TDRD3: variants seen among roughly 807,000 people sequenced by gnomAD.
The protein encoded by TDRD3 is tudor domain-containing protein 3.
In TDRD3, 45 loss-of-function variants were observed where a neutral mutation model predicts 86.7. The observed-to-expected ratio is 0.52, with a 90% CI of 0.41 to 0.67. The LOEUF is 0.67. Among genes scored for constraint, TDRD3 ranks in the 30% least tolerant of loss-of-function variants. TDRD3 has a pLI of 0.00. For synonymous variants in TDRD3, 298 were observed against 301.7 expected, an observed-to-expected ratio of 0.99 and a Z score of 0.13; for missense variants, 814 against 889.0, an observed-to-expected ratio of 0.92 and a Z score of 1.07.
At chr13:60,472,041 C>T (rs1009576218) in intron 5 of TDRD3, among the ~76,000 whole-genome samples, 2 of 151,904 alleles carry the variant, frequency 1.3e-5, no homozygotes, top group Admixed American at 1.3e-4. Context: ...TGAGTAGTTC[C>T]TTTCTATTTT....
intron 12 of TDRD3, among the ~76,000 whole-genome samples, chr13:60,550,259 T>C (rs576591536): frequency 1.3e-5 from 2 of 152,266 alleles, no homozygotes; most frequent in Non-Finnish European, 2.9e-5. Context: ...AGTGATAAAT[T>C]CTTTGGTAAA....
chr13:60,566,270 T>C (rs187834401), intron 12 of TDRD3, among the ~76,000 whole-genome samples: 1 of 152,212 alleles, frequency 6.6e-6, no homozygotes, highest in East Asian at 1.9e-4. Flanking sequence ...GTTCTTTTTT[T>C]TTTTTTAAGA....
intron 10 of TDRD3, among the ~76,000 whole-genome samples, chr13:60,520,332 T>C (rs962752350): frequency 5.3e-5 from 8 of 152,206 alleles, no homozygotes; most frequent in South Asian, 2.1e-4. Context: ...CTTTATGATA[T>C]TGGAATATAC....
chr13:60,459,301 A>G (rs912182802), intron 3 of TDRD3, among the ~76,000 whole-genome samples: 3 of 152,340 alleles, frequency 2.0e-5, no homozygotes, highest in African/African-American at 7.2e-5. Context: ...CCCCTAAGGT[A>G]TGATACTACT....
chr13:60,480,242 T>C (rs1956280702), intron 5 of TDRD3, among the ~76,000 whole-genome samples: 1 of 152,218 alleles, frequency 6.6e-6, no homozygotes, highest in Non-Finnish European at 1.5e-5. Context: ...CATTTTTCCT[T>C]TGCTTATGAA....
intron 1 of TDRD3, among the ~76,000 whole-genome samples, chr13:60,427,253 T>C (rs778292729): frequency 6.6e-6 from 1 of 152,218 alleles, no homozygotes; most frequent in Admixed American, 6.5e-5. Context: ...TGATTGATTT[T>C]GTTTTTTCTT....
At chr13:60,478,993 G>A (rs1223399253) in intron 5 of TDRD3, among the ~76,000 whole-genome samples, 1 of 151,464 alleles carries the variant, frequency 6.6e-6, no homozygotes, top group African/African-American at 2.4e-5. Context: ...ATTTTTAGTA[G>A]ACAGGGTGTC....
intron 12 of TDRD3, among the ~76,000 whole-genome samples, chr13:60,566,269 T>G (rs553409654): frequency 7.2e-5 from 11 of 152,214 alleles, no homozygotes; most frequent in African/African-American, 2.6e-4. Context: ...AGTTCTTTTT[T>G]TTTTTTTAAG....
At chr13:60,551,275 A>G (rs1367229638) in intron 12 of TDRD3, among the ~76,000 whole-genome samples, 1 of 152,212 alleles carries the variant, frequency 6.6e-6, no homozygotes, top group African/African-American at 2.4e-5. Flanking sequence ...TTCTATGGAA[A>G]ATACCTATAA....
Position 60,485,844 on chromosome 13 carries a change from A to C in TDRD3, c.613A>C (p.Arg205=), listed in dbSNP as rs1212756649. The change falls in exon 7 of 14, where the codon AGA becomes CGA. Residue 205 remains arginine, a synonymous_variant. Transcript: ENST00000377881. The part of the protein sequence containing the change: ...VQVDSRELDR[R]KTLQVTMPVK... ...AGTGGATAGCAGAGAACTTGATCGA[A>C]GAAAAACATTGCAAGTTACAATGCC... 6.2e-7 allele frequency: 1 copy of C among 1,609,774 alleles called. No individual in the cohort carries two copies. Among genetic ancestry groups the C allele is most frequent in the Non-Finnish European group, 8.5e-7 (1 of 1,178,268 alleles).
chr13:60,522,282 TA>T (rs1236388024), intron 10 of TDRD3, among the ~76,000 whole-genome samples: 1 of 151,988 alleles, frequency 6.6e-6, no homozygotes. Context: ...AAGAATCAAA[TA>T]AAAACAAATA....
intron 1 of TDRD3, among the ~76,000 whole-genome samples, chr13:60,417,088 C>G (rs750996243): frequency 6.7e-6 from 1 of 150,318 alleles, no homozygotes; most frequent in Non-Finnish European, 1.5e-5. Flanking sequence ...ATAATCATAG[C>G]TCACTGCAGC....
At chr13:60,488,654 AC>A (rs1840237638) in intron 7 of TDRD3, among the ~76,000 whole-genome samples, 1 of 151,902 alleles carries the variant, frequency 6.6e-6, no homozygotes, top group South Asian at 2.1e-4. Flanking sequence ...GCTCACTGTA[AC>A]CTCTGCCTCC....
At chr13:60,491,487 A>G (rs561209925) in intron 7 of TDRD3, among the ~76,000 whole-genome samples, 1 of 152,358 alleles carries the variant, frequency 6.6e-6, no homozygotes, top group Admixed American at 6.5e-5. Flanking sequence ...CTTAGAGCCT[A>G]GATGGCAGAA....
chr13:60,402,046 T>C (rs532622669), intron 1 of TDRD3, among the ~76,000 whole-genome samples: 17 of 152,386 alleles, frequency 1.1e-4, no homozygotes, highest in Non-Finnish European at 2.2e-4. Flanking sequence ...ACTACAAAGA[T>C]GTGGAACAAC....
At chr13:60,458,794 G>A (rs533656836) in intron 3 of TDRD3, among the ~76,000 whole-genome samples, 1 of 152,190 alleles carries the variant, frequency 6.6e-6, no homozygotes, top group Non-Finnish European at 1.5e-5. Context: ...ACATGTGGCT[G>A]GAGGATTGTA....
intron 5 of TDRD3, among the ~76,000 whole-genome samples, chr13:60,469,419 A>AACACACACACACACAT (rs1956026042): frequency 6.7e-6 from 1 of 149,462 alleles, no homozygotes. Flanking sequence ...CCTTCTCACC[A>AACACACACACACACAT]ACACACACAC....
intron 8 of TDRD3, among the ~76,000 whole-genome samples, chr13:60,496,288 C>CATATAT (rs56211733): frequency 7.7e-4 from 47 of 61,250 alleles, no homozygotes; most frequent in Non-Finnish European, 1.1e-3. Context: ...AACAAACTCC[C>CATATAT]ATATATATAT....
chr13:60,465,094 T>G (rs1481970630), intron 4 of TDRD3, among the ~76,000 whole-genome samples: 1 of 152,162 alleles, frequency 6.6e-6, no homozygotes, highest in African/African-American at 2.4e-5. Context: ...AAATAAAAAT[T>G]TAGCCCCTAA....
Sources: allele counts gnomAD v4.1 joint callset (sites outside exome capture counted in the v4.1 genomes callset), GRCh38; gene constraint gnomAD v4.1.1; transcripts MANE v1.5; gene names NCBI Gene and HGNC (gene_info 2026-07-23, HGNC 2026-07-21).